The following PLS1 variants were observed in gnomAD, a reference collection of about 807,000 sequenced individuals.
The protein encoded by PLS1 is plastin 1.
PLS1 carries 32 observed loss-of-function variants against 73.7 expected under a neutral mutation model. The observed-to-expected ratio is 0.43, with a 90% CI of 0.33 to 0.58. PLS1 has a LOEUF of 0.58. Ranked by LOEUF, PLS1 falls within the 20% of genes least tolerant of loss-of-function variation. The pLI, the probability that PLS1 is intolerant of heterozygous loss-of-function variation, is 0.04. For synonymous variants in PLS1, 217 were observed against 261.3 expected (o/e 0.83, Z 1.63); for missense variants, 633 against 740.5 (o/e 0.85, Z 1.68).
chr3:142,609,639 T>C (rs888292745), intron 1 of PLS1, among the ~76,000 whole-genome samples: 1 of 152,244 alleles, frequency 6.6e-6, no homozygotes, highest in Non-Finnish European at 1.5e-5. Flanking sequence ...AAGTCTCTTC[T>C]GTAGAGATAG....
chr3:142,600,925 T>A (rs2035914800), intron 1 of PLS1, among the ~76,000 whole-genome samples: 1 of 78,978 alleles, frequency 1.3e-5, no homozygotes, highest in East Asian at 3.8e-4. Flanking sequence ...TATTTTTTTT[T>A]TTTTTTTTTT....
intron 1 of PLS1, among the ~76,000 whole-genome samples, chr3:142,626,588 TAATG>T (rs2036434949): frequency 6.6e-6 from 1 of 152,244 alleles, no homozygotes; most frequent in Non-Finnish European, 1.5e-5. Flanking sequence ...TGTTTATTAT[TAATG>T]AGTGAGTATA....
chr3:142,684,200 A>T, intron 7 of PLS1, 29 bp downstream of exon 7: 3 of 1,613,816 alleles, frequency 1.9e-6, no homozygotes, highest in Non-Finnish European at 2.5e-6. Flanking sequence ...TTTGCTGTTC[A>T]TTGACATGTA....
intron 1 of PLS1, among the ~76,000 whole-genome samples, chr3:142,636,423 T>C (rs971201483): frequency 6.6e-6 from 1 of 152,228 alleles, no homozygotes; most frequent in Non-Finnish European, 1.5e-5. Context: ...ATACCTTGTA[T>C]TATAAACAAA....
In PLS1 at chr3:142,704,553, T is replaced by A; in HGVS notation, c.1596T>A (p.Ser532Arg). 1 of 1,593,240 alleles carries A rather than the reference T, an allele frequency of 6.3e-7. No individual in the cohort carries two copies. The highest frequency in any genetic ancestry group is 8.6e-7 in the Non-Finnish European group (1 of 1,169,316). The change falls in exon 14 of 16, where the codon AGT (serine) becomes AGA (arginine). Residue 532 changes from serine (S) to arginine (R), a missense_variant. By Grantham distance (110) the Ser-to-Arg change is moderately radical (BLOSUM62 -1). Transcript: ENST00000457734. ...AATGGGTCAATCAGACTCTTAAAAG[T>A]GCAAACAAAAAGACTTCTATTTCCA... ...IIKWVNQTLK[S>R]ANKKTSISSF... is the part of the protein sequence containing the mutation.
intron 1 of PLS1, among the ~76,000 whole-genome samples, chr3:142,605,531 C>T (rs1370570138): frequency 6.6e-6 from 1 of 152,140 alleles, no homozygotes; most frequent in Non-Finnish European, 1.5e-5. Context: ...CCACCATGCC[C>T]AGCTAATTTT....
chr3:142,674,274 G>A (rs567089779), intron 4 of PLS1, among the ~76,000 whole-genome samples: 1 of 152,330 alleles, frequency 6.6e-6, no homozygotes, highest in Non-Finnish European at 1.5e-5. Context: ...CTAAGGAGGT[G>A]TGTATGAGGA....
At position 142,661,378 on chromosome 3, in the gene PLS1, G is replaced by A. The variant is rs376783341; in HGVS notation, c.-36-2824G>A. Among the ~76,000 whole-genome samples the A allele has an allele frequency of 3.3e-5, 5 of 152,040 alleles. No homozygotes were observed. In the East Asian group the frequency reaches 5.8e-4, roughly 18 times the overall value. On this transcript the variant is annotated intron_variant, in intron 1 of 15. Coordinates refer to ENST00000457734, the MANE Select transcript of PLS1 (RefSeq NM_001145319.2). Reference sequence around the variant, plus strand: ...AAAAACAATGTAGAATTAAATAGCGGACAATAGTATATTTAAAATAAGACC... The same window carrying A: ...AAAAACAATGTAGAATTAAATAGCGAACAATAGTATATTTAAAATAAGACC...
At position 142,686,266 on chromosome 3, in the gene PLS1, T is replaced by G. The variant is rs139519033; in HGVS notation, c.889-18T>G. The G allele has an allele frequency of 2.1e-4, 310 of 1,453,992 alleles. No individual in the cohort carries two copies. The African/African-American group carries it at 3.7e-3, about 17-fold the overall frequency. The allele number at this position is 1,453,992 out of a possible 1,614,324, so 90.1% of individuals were successfully genotyped here. A position where few individuals can be genotyped will look rare whatever the true frequency, so the allele number is the denominator to read the frequency against. ...TTTTATTCGTTTTAAAAATGCTATT[T>G]CATATCTTTCCTTGAAGGACTCGAG... is the stretch of plus-strand genomic sequence containing the variant. On this transcript the variant is annotated intron_variant, in intron 8 of 15. Transcript: ENST00000457734.
At chr3:142,602,614 T>C (rs2035947254) in intron 1 of PLS1, among the ~76,000 whole-genome samples, 2 of 151,168 alleles carry the variant, frequency 1.3e-5, no homozygotes, top group South Asian at 4.2e-4. Flanking sequence ...CCCCACCCCA[T>C]AGGCCCCAGC....
chr3:142,628,374 G>A (rs76168517), intron 1 of PLS1, among the ~76,000 whole-genome samples: 28 of 32,574 alleles, frequency 8.6e-4, no homozygotes, highest in East Asian at 8.5e-3. Flanking sequence ...GCATGTGTGC[G>A]CGCACATGTG....
In PLS1 at chr3:142,603,905, A is replaced by C. The variant is rs114909066; in HGVS notation, c.-37+7396A>C. On this transcript the variant is annotated intron_variant, in intron 1 of 15. Transcript: ENST00000457734. Reference sequence around the variant, plus strand: ...TTTCTTGATAGTAAATTGGATGGAGACATTAGTAAGGTAGAAGGTGTCTGA... The same window carrying C: ...TTTCTTGATAGTAAATTGGATGGAGCCATTAGTAAGGTAGAAGGTGTCTGA... Among the ~76,000 whole-genome samples the C allele has an allele frequency of 2.1e-3, 320 of 152,260 alleles. 2 individuals carry two copies. The highest frequency in any genetic ancestry group is 7.3e-3 in the African/African-American group (304 of 41,550).
intron 2 of PLS1, among the ~76,000 whole-genome samples, chr3:142,668,453 G>A (rs945331501): frequency 6.6e-6 from 1 of 152,140 alleles, no homozygotes; most frequent in Non-Finnish European, 1.5e-5. Context: ...CAAATGAAAC[G>A]TAGAACACAA....
chr3:142,635,669 G>C (rs1324669330), intron 1 of PLS1, among the ~76,000 whole-genome samples: 1 of 152,150 alleles, frequency 6.6e-6, no homozygotes, highest in Non-Finnish European at 1.5e-5. Context: ...TCAGACATCA[G>C]TTCCCCAAAA....
At chr3:142,659,592 A>G (rs1177308027) in intron 1 of PLS1, among the ~76,000 whole-genome samples, 2 of 151,986 alleles carry the variant, frequency 1.3e-5, no homozygotes, top group Admixed American at 1.3e-4. Flanking sequence ...AAAGCATATA[A>G]TGAAGAGTAA....
At chr3:142,695,200 A>G (rs976671201) in intron 11 of PLS1, among the ~76,000 whole-genome samples, 1 of 152,228 alleles carries the variant, frequency 6.6e-6, no homozygotes, top group East Asian at 1.9e-4. Flanking sequence ...TTTTTTTTAG[A>G]AAAAAGTTCT....
chr3:142,649,418 C>T lies in PLS1; in HGVS notation c.-36-14784C>T, dbSNP rs1018358549. 4.0e-5 allele frequency among the ~76,000 whole-genome samples: 6 copies of T among 150,310 alleles called. No individual in the cohort carries two copies. In the East Asian group the frequency reaches 5.8e-4, roughly 15 times the overall value. On this transcript the variant is annotated intron_variant, in intron 1 of 15. Transcript: ENST00000457734. ...TGGGAGGCTGAGAAGGATGGATCAC[C>T]TGAGGTCAGGAGTTCGAGACCAGCC... is the stretch of plus-strand genomic sequence containing the variant.
intron 1 of PLS1, among the ~76,000 whole-genome samples, chr3:142,659,671 T>C (rs923138012): frequency 4.6e-5 from 7 of 151,544 alleles, no homozygotes; most frequent in African/African-American, 1.7e-4. Flanking sequence ...TTTTCTTTTT[T>C]CTTTTTTTTT....
chr3:142,648,474 G>A (rs1411795995), intron 1 of PLS1, among the ~76,000 whole-genome samples: 4 of 152,134 alleles, frequency 2.6e-5, no homozygotes, highest in Non-Finnish European at 5.9e-5. Context: ...AGTTGCGGGA[G>A]GCATCAGTTT....
Sources: allele counts gnomAD v4.1 joint callset (sites outside exome capture counted in the v4.1 genomes callset), GRCh38; gene constraint gnomAD v4.1.1; transcripts MANE v1.5; gene names NCBI Gene and HGNC (gene_info 2026-07-23, HGNC 2026-07-21).